The following SETBP1 variants were observed in gnomAD, a reference collection of about 807,000 sequenced individuals.
SETBP1 encodes the protein SET binding protein 1, also known as SET-binding protein.
A neutral mutation model predicts 101.0 loss-of-function variants in SETBP1; 9 were observed. That is an observed-to-expected ratio of 0.09 (90% CI 0.05 to 0.16). The LOEUF is 0.16. Ranked by LOEUF, SETBP1 falls within the 10% of genes least tolerant of loss-of-function variation. The pLI, the probability that SETBP1 is intolerant of heterozygous loss-of-function variation, is 1.00. For missense variants in SETBP1, 1,858 were observed against 2,033.8 expected (o/e 0.91, Z 1.66); for synonymous variants, 818 against 788.5 (o/e 1.04, Z -0.63).
chr18:44,854,554 C>T (rs1242697895), intron 2 of SETBP1, among the ~76,000 whole-genome samples: 1 of 152,184 alleles, frequency 6.6e-6, no homozygotes, highest in East Asian at 1.9e-4. Context: ...TGTTCATGGG[C>T]TATTGACCAT....
At chr18:44,956,895 C>T (rs746445275) in intron 4 of SETBP1, among the ~76,000 whole-genome samples, 1 of 152,228 alleles carries the variant, frequency 6.6e-6, no homozygotes. Flanking sequence ...TTCTAACATA[C>T]CTAGGGCTAG....
chr18:44,688,452 G>A (rs1400407751), intron 1 of SETBP1, among the ~76,000 whole-genome samples: 25 of 151,374 alleles, frequency 1.7e-4, no homozygotes, highest in Admixed American at 1.6e-3. Context: ...GTGACCTATT[G>A]TTATTTGAGC....
At chr18:44,877,002 G>T in intron 3 of SETBP1, 1 of 1,195,940 alleles carries the variant, frequency 8.4e-7, no homozygotes, top group East Asian at 3.7e-5. Flanking sequence ...TCCAGGGCAG[G>T]CTTGATCCCA....
At chr18:44,726,883 T>C (rs2069719726) in intron 2 of SETBP1, among the ~76,000 whole-genome samples, 1 of 152,208 alleles carries the variant, frequency 6.6e-6, no homozygotes, top group African/African-American at 2.4e-5. Context: ...GTTTCTGTTT[T>C]TCATTCTGGG....
At chr18:44,987,224 A>T (rs1188729129) in intron 4 of SETBP1, 1 of 152,196 alleles carries the variant, frequency 6.6e-6, no homozygotes, top group African/African-American at 2.4e-5. Context: ...ACTGACCAAA[A>T]CAATGTTATG....
chr18:44,697,536 GC>G (rs968174572), intron 1 of SETBP1, among the ~76,000 whole-genome samples: 2 of 152,196 alleles, frequency 1.3e-5, no homozygotes, highest in African/African-American at 4.8e-5. Context: ...CTGTCAGAGG[GC>G]GAAGCCATTT....
At chr18:44,694,335 C>G (rs1477639417) in intron 1 of SETBP1, among the ~76,000 whole-genome samples, 1 of 152,118 alleles carries the variant, frequency 6.6e-6, no homozygotes, top group African/African-American at 2.4e-5. Context: ...CCTCAGCCTC[C>G]TGAGTAGCTG....
chr18:44,939,735 A>T (rs681202), intron 3 of SETBP1, among the ~76,000 whole-genome samples: 79,211 of 152,096 alleles, frequency 0.52, 21,123 homozygotes, highest in Non-Finnish European at 0.58. Context: ...AGTCTCTTTC[A>T]TTTTAGCCAT....
intron 1 of SETBP1, among the ~76,000 whole-genome samples, chr18:44,695,225 C>A (rs751716174): frequency 6.6e-6 from 1 of 151,954 alleles, no homozygotes; most frequent in Admixed American, 6.6e-5. Context: ...GGAAAAACTT[C>A]GAAAGAAGCC....
At chr18:45,044,834 C>A (rs2073577118) in intron 5 of SETBP1, among the ~76,000 whole-genome samples, 1 of 152,192 alleles carries the variant, frequency 6.6e-6, no homozygotes, top group South Asian at 2.1e-4. Flanking sequence ...GACAACGGGG[C>A]ATTATGAGAA....
At position 44,977,000 on chromosome 18, in the gene SETBP1, G is replaced by C. The variant is rs567983749; in HGVS notation, c.4000+23660G>C. The stretch of plus-strand genomic sequence containing the variant: ...CTGGGACTTCTTGTCAGGATTGAAA[G>C]AGTTGATATATGTAAAGAACATATT... On this transcript the variant is annotated intron_variant, in intron 4 of 5. Coordinates refer to ENST00000649279, the MANE Select transcript of SETBP1 (RefSeq NM_015559.3). Among the ~76,000 whole-genome samples the C allele has an allele frequency of 8.5e-5, 13 of 152,304 alleles. No homozygotes were observed. The South Asian group carries it at 2.7e-3, about 32-fold the overall frequency.
intron 4 of SETBP1, among the ~76,000 whole-genome samples, chr18:45,025,330 C>T (rs2073143525): frequency 6.6e-6 from 1 of 152,186 alleles, no homozygotes; most frequent in African/African-American, 2.4e-5. Context: ...AGAAATTGAT[C>T]ATTCTGCCGA....
chr18:44,917,091 T>C (rs2070446407), intron 3 of SETBP1, among the ~76,000 whole-genome samples: 1 of 152,252 alleles, frequency 6.6e-6, no homozygotes, highest in African/African-American at 2.4e-5. Context: ...TGTTTGGAGA[T>C]AGCCCTATTC....
intron 3 of SETBP1, among the ~76,000 whole-genome samples, chr18:44,897,280 A>C (rs1172054600): frequency 6.6e-6 from 1 of 152,122 alleles, no homozygotes; most frequent in Admixed American, 6.5e-5. Context: ...TGTCAGCTGA[A>C]GCTTCGGGGC....
chr18:44,823,550 G>A (rs369028027), intron 2 of SETBP1, among the ~76,000 whole-genome samples: 90 of 152,330 alleles, frequency 5.9e-4, no homozygotes, highest in Non-Finnish European at 9.1e-4. Flanking sequence ...TCAGGCTTAC[G>A]AGCTGCTGAC....
intron 2 of SETBP1, among the ~76,000 whole-genome samples, chr18:44,734,631 A>G (rs2069923134): frequency 6.6e-6 from 1 of 151,788 alleles, no homozygotes; most frequent in Non-Finnish European, 1.5e-5. Context: ...CTCTCTCCCT[A>G]TCTAGTCAAT....
intron 1 of SETBP1, among the ~76,000 whole-genome samples, chr18:44,689,452 A>G (rs2068893019): frequency 6.6e-6 from 1 of 152,098 alleles, no homozygotes; most frequent in African/African-American, 2.4e-5. Flanking sequence ...AAACTAATCA[A>G]CCTTCCAACT....
intron 1 of SETBP1, among the ~76,000 whole-genome samples, chr18:44,691,619 C>A (rs1405544536): frequency 6.6e-6 from 1 of 152,174 alleles, no homozygotes; most frequent in Non-Finnish European, 1.5e-5. Flanking sequence ...CCTCAGGTCT[C>A]AGAAGTTTCA....
intron 3 of SETBP1, among the ~76,000 whole-genome samples, chr18:44,902,120 C>G (rs2070061386): frequency 6.6e-6 from 1 of 152,148 alleles, no homozygotes; most frequent in South Asian, 2.1e-4. Context: ...ATTTCAAGTA[C>G]TCAGTAGTTC....
Sources: gnomAD v4.1 joint callset for allele counts (sites outside exome capture counted in the v4.1 genomes callset) on GRCh38, gnomAD v4.1.1 for gene constraint, MANE v1.5 for transcripts, NCBI Gene and HGNC (gene_info 2026-07-23, HGNC 2026-07-21) for gene names.